OOSP4A: variants seen among roughly 807,000 people sequenced by gnomAD.
OOSP4A encodes the protein oocyte secreted protein family member 4A, also known as oocyte-secreted protein 4A.
intron 2 of OOSP4A, among the ~76,000 whole-genome samples, chr11:59,966,476 T>C (rs960405444): frequency 6.8e-6 from 1 of 147,296 alleles, no homozygotes; most frequent in African/African-American, 2.5e-5. Context: ...CTCTGACTCT[T>C]TTTTTTTTTT....
intron 2 of OOSP4A, 137 bp from the exon 3 acceptor site, chr11:59,966,930 C>G: frequency 2.7e-6 from 1 of 368,050 alleles, no homozygotes; most frequent in Non-Finnish European, 4.8e-6. Flanking sequence ...GTAGACCGTG[C>G]ACTCATACCT....
At chr11:59,966,606 G>T (rs1433989734) in intron 2 of OOSP4A, among the ~76,000 whole-genome samples, 1 of 152,008 alleles carries the variant, frequency 6.6e-6, no homozygotes, top group Non-Finnish European at 1.5e-5. Context: ...CTTCCAAGTA[G>T]CTGGGACTAC....
In OOSP4A at chr11:59,968,243, T is replaced by A. The variant is rs73493147; in HGVS notation, c.345-907T>A. 7.6e-3 allele frequency among the ~76,000 whole-genome samples: 1,152 copies of A among 152,334 alleles called. 14 individuals carry two copies. The highest frequency in any genetic ancestry group is 0.025 in the African/African-American group (1,043 of 41,560). On this transcript the variant is annotated intron_variant, in intron 3 of 4. Coordinates refer to ENST00000645590, the Ensembl canonical transcript of OOSP4A. ...TTACATGGTGCAATTGTGGTCCATT[T>A]CCAGCAATGCTGGCTAGATAATCAT...
At chr11:59,967,924 T>G (rs936454167) in intron 3 of OOSP4A, among the ~76,000 whole-genome samples, 2 of 152,120 alleles carry the variant, frequency 1.3e-5, no homozygotes, top group African/African-American at 4.8e-5. Flanking sequence ...TTAATGGCTA[T>G]ATTTAACTTA....
chr11:59,969,387 T>C (rs1368605497), intron 4 of OOSP4A, 103 bp downstream of exon 4: 1 of 396,638 alleles, frequency 2.5e-6, no homozygotes, highest in Non-Finnish European at 4.4e-6. Flanking sequence ...TTGTGTACTA[T>C]TGCCCATATG....
chr11:59,966,764 G>A (rs1393766821), intron 2 of OOSP4A, among the ~76,000 whole-genome samples: 2 of 152,086 alleles, frequency 1.3e-5, no homozygotes, highest in Non-Finnish European at 2.9e-5. Context: ...GTGAGCCAAC[G>A]TGCCTGGCCC....
intron 3 of OOSP4A, among the ~76,000 whole-genome samples, chr11:59,967,572 T>C (rs756815661): frequency 3.3e-5 from 5 of 152,092 alleles, no homozygotes; most frequent in Admixed American, 6.6e-5. Flanking sequence ...TCAAAATCAG[T>C]ATTTTCTCAA....
At chr11:59,967,224 T>A (rs1854110292) in intron 3 of OOSP4A, 60 bp downstream of exon 3, 1 of 396,442 alleles carries the variant, frequency 2.5e-6, no homozygotes, top group South Asian at 1.3e-4. Context: ...CTTCTAGGTG[T>A]TCTGATCAGT....
At chr11:59,965,793 A>G (rs1854092786) in intron 2 of OOSP4A, 80 bp downstream of exon 2, 1 of 397,262 alleles carries the variant, frequency 2.5e-6, no homozygotes, top group Non-Finnish European at 4.4e-6. Flanking sequence ...AAACTGCAGT[A>G]TTCACATTTT....
chr11:59,965,512 C>T (rs1025000201), intron 1 of OOSP4A, 23 bp from the exon 2 acceptor site: 2 of 398,202 alleles, frequency 5.0e-6, no homozygotes, highest in Admixed American at 4.4e-5. Flanking sequence ...GATGTTTTCC[C>T]TTTTTAAATT....
chr11:59,964,710 T>A (rs1854079729), intron 1 of OOSP4A, among the ~76,000 whole-genome samples: 1 of 152,172 alleles, frequency 6.6e-6, no homozygotes, highest in Admixed American at 6.5e-5. Context: ...TTTAACATAG[T>A]TGGCAATCAA....
intron 1 of OOSP4A, 53 bp downstream of exon 1, chr11:59,964,152 T>TG (rs1335983886): frequency 3.7e-5 from 13 of 353,430 alleles, no homozygotes; most frequent in Non-Finnish European, 6.5e-5. Context: ...GCAGGGCTTT[T>TG]TTTTTTTTTT....
At chr11:59,967,763 C>T (rs1222765343) in intron 3 of OOSP4A, among the ~76,000 whole-genome samples, 1 of 151,838 alleles carries the variant, frequency 6.6e-6, no homozygotes, top group Non-Finnish European at 1.5e-5. Context: ...GCAGGAGAGC[C>T]TGTTGATGAA....
intron 1 of OOSP4A, 108 bp from the exon 2 acceptor site, chr11:59,965,427 A>T (rs1010984938): frequency 2.5e-6 from 1 of 396,932 alleles, no homozygotes; most frequent in African/African-American, 2.1e-5. Flanking sequence ...AAACATTTTC[A>T]CTCTACAGTT....
intron 3 of OOSP4A, 47 bp from the exon 4 acceptor site, chr11:59,969,103 A>G: frequency 2.5e-6 from 1 of 397,870 alleles, no homozygotes. Flanking sequence ...CCACCTCCAA[A>G]AGCATAATAT....
chr11:59,967,675 A>G (rs566646318), intron 3 of OOSP4A, among the ~76,000 whole-genome samples: 9 of 151,210 alleles, frequency 6.0e-5, no homozygotes, highest in African/African-American at 1.7e-4. Context: ...AATTTTTTTT[A>G]TATATATAAA....
chr11:59,964,894 T>C (rs1854081714), intron 1 of OOSP4A, among the ~76,000 whole-genome samples: 1 of 152,122 alleles, frequency 6.6e-6, no homozygotes, highest in African/African-American at 2.4e-5. Context: ...TGTTTCTCCA[T>C]TTCAGATAGA....
intron 3 of OOSP4A, 59 bp downstream of exon 3, chr11:59,967,223 G>C (rs1854110262): frequency 2.5e-6 from 1 of 396,262 alleles, no homozygotes. Flanking sequence ...CCTTCTAGGT[G>C]TTCTGATCAG....
chr11:59,964,287 G>A lies in OOSP4A; in HGVS notation c.67+188G>A, dbSNP rs372485295. On this transcript the variant is annotated intron_variant, in intron 1 of 4. Coordinates refer to ENST00000645590, the Ensembl canonical transcript of OOSP4A. ...TATCTTTACCCCTGTACTTCCTCTT[G>A]AATTTTTCCTCTAAGCTGATCTCAA... Among the ~76,000 whole-genome samples the A allele has an allele frequency of 9.6e-4, 145 of 150,790 alleles. 1 individual carries two copies. The South Asian group carries it at 0.026, about 27-fold the overall frequency.
Sources: gnomAD v4.1 joint callset for allele counts (sites outside exome capture counted in the v4.1 genomes callset) on GRCh38, gnomAD v4.1.1 for gene constraint, MANE v1.5 for transcripts, NCBI Gene and HGNC (gene_info 2026-07-23, HGNC 2026-07-21) for gene names.